Variants in PIK3CD observed in about 807,000 individuals in gnomAD.
PIK3CD encodes phosphatidylinositol 4,5-bisphosphate 3-kinase catalytic subunit delta isoform.
A neutral mutation model predicts 122.9 loss-of-function variants in PIK3CD; 20 were observed. That is an observed-to-expected ratio of 0.16 (90% CI 0.11 to 0.24). PIK3CD has a LOEUF of 0.24. PIK3CD is among the 10% of genes least tolerant of loss of function. The probability of loss-of-function intolerance (pLI) is 1.00; values close to 1 mark genes in which losing one functional copy is unlikely to be tolerated. For missense variants in PIK3CD, 787 were observed against 1,406.3 expected (o/e 0.56, Z 7.04); for synonymous variants, 596 against 593.4 (o/e 1.00, Z -0.06).
chr1:9,700,296 C>T lies in PIK3CD; in HGVS notation c.-33+8725C>T, dbSNP rs753829607. On this transcript the variant is annotated intron_variant, in intron 2 of 23. Transcript: ENST00000377346. This position sits in a 1 kb window ranked among gnomAD's most constrained non-coding sequence, Gnocchi z 5.1. ...ATCCCTCAGACGTTCACAGCTGGGACGCCGTTCTTCCACCTTGGGCTCCAG... is the reference window on the plus strand; with the variant it reads ...ATCCCTCAGACGTTCACAGCTGGGATGCCGTTCTTCCACCTTGGGCTCCAG... Among the ~76,000 whole-genome samples the T allele has an allele frequency of 3.3e-5, 5 of 151,952 alleles. No homozygotes were observed. The highest frequency in any genetic ancestry group is 2.0e-4 in the Admixed American group (3 of 15,252).
intron 2 of PIK3CD, among the ~76,000 whole-genome samples, chr1:9,695,818 TG>T (rs1646392275): frequency 1.4e-5 from 2 of 144,058 alleles, no homozygotes; most frequent in African/African-American, 2.7e-5. Context: ...CTCTCCAGCC[TG>T]GGTGACAGAG....
Position 9,724,530 on chromosome 1 carries a change from C to G in PIK3CD, c.2864+109C>G. Reference sequence around the variant, plus strand: ...TGGGGCTCAGGTCTCAACCCCACACCTGGCCCCTCACCCCAACTGTTGATG... The same window carrying G: ...TGGGGCTCAGGTCTCAACCCCACACGTGGCCCCTCACCCCAACTGTTGATG... On this transcript the variant is annotated intron_variant, in intron 22 of 23. Transcript: ENST00000377346. The surrounding 1 kb of genome is among the most constrained non-coding windows in gnomAD (Gnocchi z 7.3). The G allele has an allele frequency of 7.9e-7, 1 of 1,266,218 alleles. No homozygotes were observed. The highest frequency in any genetic ancestry group is 1.1e-6 in the Non-Finnish European group (1 of 880,844). 78.4% of individuals were successfully genotyped at this position (1,266,218 alleles called of 1,614,324 possible).
At chr1:9,726,465 T>C (rs1214563338) in intron 23 of PIK3CD, among the ~76,000 whole-genome samples, 1 of 152,116 alleles carries the variant, frequency 6.6e-6, no homozygotes, top group African/African-American at 2.4e-5. Context: ...GCCGAGATCA[T>C]GCCCCTGCAC....
intron 1 of PIK3CD, among the ~76,000 whole-genome samples, chr1:9,690,593 G>C (rs1044174520): frequency 2.0e-5 from 3 of 152,168 alleles, no homozygotes; most frequent in Admixed American, 1.3e-4. Flanking sequence ...GGGAGCATCC[G>C]AGCCCGCATG....
Position 9,689,708 on chromosome 1 carries a change from G to A in PIK3CD, c.-137-1759G>A, listed in dbSNP as rs1010791217. Among the ~76,000 whole-genome samples the A allele has an allele frequency of 1.4e-4, 21 of 151,420 alleles. No individual in the cohort carries two copies. Among genetic ancestry groups the A allele is most frequent in the Non-Finnish European group, 2.5e-4 (17 of 67,728 alleles). On this transcript the variant is annotated intron_variant, in intron 1 of 23. Coordinates refer to ENST00000377346, the MANE Select transcript of PIK3CD (RefSeq NM_005026.5). The surrounding 1 kb of genome is among the most constrained non-coding windows in gnomAD (Gnocchi z 6.1). ...TCCAGGGAGATCGGGCCCCGCCCCC[G>A]GCAGCGACACCCGGTACGGAGCCCA...
At chr1:9,640,823 C>G in the PIK3CD span, among the ~76,000 whole-genome samples, 167 of 152,266 alleles carry the variant, frequency 1.1e-3, no homozygotes, top group Admixed American at 3.0e-3. Flanking sequence ...TGCCCCCTCC[C>G]GCATCCTCCT....
rs1411366409 is a variant in PIK3CD, at chr1:9,718,472, G to A, written c.1021-222G>A. The stretch of plus-strand genomic sequence containing the variant: ...ATGCCCCGAGGTCCCCAGAGTTGGG[G>A]TAGCTGAGACAGGGCACCCATGCAC... On this transcript the variant is annotated intron_variant, in intron 8 of 23. Coordinates refer to ENST00000377346, the MANE Select transcript of PIK3CD (RefSeq NM_005026.5). The surrounding 1 kb of genome is among the most constrained non-coding windows in gnomAD (Gnocchi z 7.2). Among the ~76,000 whole-genome samples the A allele has an allele frequency of 1.3e-5, 2 of 152,070 alleles. No individual in the cohort carries two copies. Among genetic ancestry groups the A allele is most frequent in the Non-Finnish European group, 2.9e-5 (2 of 67,996 alleles).
chr1:9,641,221 C>T, the PIK3CD span, among the ~76,000 whole-genome samples: 20 of 152,194 alleles, frequency 1.3e-4, no homozygotes, highest in African/African-American at 4.8e-4. Flanking sequence ...CTGCAAGATA[C>T]ACACTTGCTG....
At position 9,717,513 on chromosome 1, in the gene PIK3CD, C is replaced by T. The variant is rs1647691747; in HGVS notation, c.931-24C>T. 1.9e-6 allele frequency: 3 copies of T among 1,610,888 alleles called. No individual in the cohort carries two copies. The highest frequency in any genetic ancestry group is 2.5e-6 in the Non-Finnish European group (3 of 1,177,290). ...CAAGCTGCACTTTGAGCCGTGTTAA[C>T]AGCCCTGCTTCCCCGGCCCCCAGCC... On this transcript the variant is annotated intron_variant, in intron 7 of 23. Transcript: ENST00000377346. The surrounding 1 kb of genome is among the most constrained non-coding windows in gnomAD (Gnocchi z 5.4).
At chr1:9,713,020 GA>G (rs978094150) in intron 3 of PIK3CD, among the ~76,000 whole-genome samples, 1 of 151,972 alleles carries the variant, frequency 6.6e-6, no homozygotes, top group Non-Finnish European at 1.5e-5. Context: ...CATCTCTACT[GA>G]AAATACAAAA....
chr1:9,713,902 T>C (rs1647158438), intron 3 of PIK3CD, among the ~76,000 whole-genome samples: 2 of 149,248 alleles, frequency 1.3e-5, no homozygotes, highest in South Asian at 4.3e-4. Context: ...ATCCAGGCTG[T>C]AGTGCAGTGG....
intron 1 of PIK3CD, among the ~76,000 whole-genome samples, chr1:9,674,407 C>T (rs558161401): frequency 4.6e-5 from 7 of 152,096 alleles, no homozygotes; most frequent in East Asian, 1.9e-4. Context: ...TGGCCGGGCG[C>T]GGTGGCTCAT....
Position 9,715,827 on chromosome 1 carries a change from C to T in PIK3CD, c.371-22C>T. The T allele has an allele frequency of 6.7e-7, 1 of 1,490,694 alleles. No homozygotes were observed. Among genetic ancestry groups the T allele is most frequent in the African/African-American group, 1.4e-5 (1 of 72,910 alleles). The allele number at this position is 1,490,694 out of a possible 1,614,324, so 92.3% of individuals were successfully genotyped here. ...TGGCCCTGCCTGCCCCACCCGCTGACCCAGCCCTCCCCACCCCGCAGGCCT... is the reference window on the plus strand; with the variant it reads ...TGGCCCTGCCTGCCCCACCCGCTGATCCAGCCCTCCCCACCCCGCAGGCCT... On this transcript the variant is annotated intron_variant, in intron 4 of 23. Transcript: ENST00000377346. The surrounding 1 kb of genome is among the most constrained non-coding windows in gnomAD (Gnocchi z 4.1).
At chr1:9,638,950 G>A in the PIK3CD span, among the ~76,000 whole-genome samples, 1 of 151,624 alleles carries the variant, frequency 6.6e-6, no homozygotes, top group Admixed American at 6.6e-5. Flanking sequence ...TAGTTTTTGT[G>A]GAGATGGGAT....
intron 2 of PIK3CD, among the ~76,000 whole-genome samples, chr1:9,697,568 A>T (rs896921464): frequency 3.9e-5 from 6 of 152,010 alleles, no homozygotes; most frequent in Admixed American, 3.3e-4. Context: ...TAAAAAAAAA[A>T]AAAAGTTTTT....
chr1:9,632,392 A>T, the PIK3CD span, among the ~76,000 whole-genome samples: 1 of 151,790 alleles, frequency 6.6e-6, no homozygotes, highest in East Asian at 2.0e-4. Context: ...AGGTGCAAGG[A>T]TAATGCACTA....
upstream of PIK3CD, among the ~76,000 whole-genome samples, chr1:9,650,418 C>CA (rs1644649994): frequency 2.0e-5 from 3 of 151,540 alleles, no homozygotes; most frequent in South Asian, 6.3e-4. Context: ...CAAGATTCCT[C>CA]AAAATAAACA....
rs777576647 is a variant in PIK3CD, at chr1:9,724,062, C to T, written c.2688C>T (p.Ser896=). The change falls in exon 21 of 24, where the codon AGC becomes AGT. Residue 896 remains serine (S), a synonymous_variant. Transcript: ENST00000377346. This position sits in a 1 kb window ranked among gnomAD's most constrained non-coding sequence, Gnocchi z 7.3. ...TGCTGGGCATTGGCGATCGGCACAG[C>T]GACAACATCATGATCCGAGAGAGTG... ...TYVLGIGDRH[S]DNIMIRESGQ... 2.4e-5 allele frequency: 38 copies of T among 1,614,196 alleles called. No homozygotes were observed. The highest frequency in any genetic ancestry group is 2.8e-5 in the Non-Finnish European group (33 of 1,180,042).
At chr1:9,694,065 AG>A (rs1214031228) in intron 2 of PIK3CD, among the ~76,000 whole-genome samples, 4 of 152,214 alleles carry the variant, frequency 2.6e-5, no homozygotes, top group African/African-American at 9.6e-5. Flanking sequence ...GGAGAACGAA[AG>A]GGTCAAGCGA....
Sources: gnomAD v4.1 joint callset for allele counts (sites outside exome capture counted in the v4.1 genomes callset) on GRCh38, gnomAD v4.1.1 for gene constraint, Gnocchi (gnomAD v3.1) non-coding constraint, MANE v1.5 for transcripts, NCBI Gene and HGNC (gene_info 2026-07-23, HGNC 2026-07-21) for gene names.